The following PCNT variants were observed in gnomAD, a reference collection of about 807,000 sequenced individuals.
The protein encoded by PCNT is kendrin.
Under a neutral mutation model 380.4 loss-of-function variants are expected in PCNT, and 319 were observed. That is an observed-to-expected ratio of 0.84 (90% CI 0.77 to 0.92). The LOEUF (loss-of-function observed/expected upper bound fraction) is 0.92, where lower values mean the gene tolerates loss of function less well. Ranked by LOEUF, PCNT falls within the 40% of genes least tolerant of loss-of-function variation. PCNT has a pLI of 0.00. For synonymous variants in PCNT, 1,845 were observed against 1,735.2 expected (o/e 1.06, Z -1.57); for missense variants, 4,400 against 4,255.3 (o/e 1.03, Z -0.95).
chr21:46,402,161 T>C (rs1488465224), intron 26 of PCNT, among the ~76,000 whole-genome samples, 170 bp from the exon 27 acceptor site: 4 of 152,178 alleles, frequency 2.6e-5, no homozygotes, highest in Non-Finnish European at 5.9e-5. Context: ...CTGACCACTG[T>C]GTATTCTTTG....
intron 25 of PCNT, among the ~76,000 whole-genome samples, chr21:46,400,446 TTTAGAA>T (rs1250254926): frequency 1.3e-5 from 2 of 151,910 alleles, no homozygotes; most frequent in African/African-American, 2.4e-5. Context: ...GAAATTTGAT[TTTAGAA>T]TTAGTAGTTT....
Position 46,401,627 on chromosome 21 carries a change from G to T in PCNT, c.4868G>T (p.Gly1623Val), listed in dbSNP as rs145095275. The T allele has an allele frequency of 2.5e-6, 4 of 1,614,012 alleles. No individual in the cohort carries two copies. The highest frequency in any genetic ancestry group is 3.4e-6 in the Non-Finnish European group (4 of 1,179,892). Reference sequence around the variant, plus strand: ...ACGTTGCAGTCTACACTAGATGCAGGCAGATGTCCCGAGCCTCCTTCGGGC... The same window carrying T: ...ACGTTGCAGTCTACACTAGATGCAGTCAGATGTCCCGAGCCTCCTTCGGGC... Reference protein sequence around the residue: ...ASTLQSTLDAGRCPEPPSGSP... With the variant: ...ASTLQSTLDAVRCPEPPSGSP... The change falls in exon 26 of 47, where the codon GGC becomes GTC. Residue 1623 changes from glycine to valine, a missense_variant. Transcript: ENST00000359568.
chr21:46,429,459 G>C (rs1183017742), intron 35 of PCNT, among the ~76,000 whole-genome samples: 2 of 150,274 alleles, frequency 1.3e-5, no homozygotes, highest in Non-Finnish European at 3.0e-5. Flanking sequence ...AGGGGGGCCG[G>C]CACTGTGCGA....
intron 2 of PCNT, among the ~76,000 whole-genome samples, chr21:46,331,495 C>G (rs146128637): frequency 3.3e-4 from 50 of 152,320 alleles, no homozygotes; most frequent in African/African-American, 1.2e-3. Context: ...CAACAGCTGT[C>G]TCAGTTCTGA....
At chr21:46,430,420 G>T in intron 36 of PCNT, 87 bp from the exon 37 acceptor site, 1 of 1,509,478 alleles carries the variant, frequency 6.6e-7, no homozygotes, top group Non-Finnish European at 9.0e-7. Flanking sequence ...GACCTGGCAG[G>T]GCTCTGCCTC....
Position 46,324,204 on chromosome 21 carries a change from G to A in PCNT, c.-25G>A. Reference sequence around the variant, plus strand: ...TCTGTGTCAGCCCCGTCACCGCCGGGCGGCCCGCGCGGAGTCTGAGGGAGA... The same window carrying A: ...TCTGTGTCAGCCCCGTCACCGCCGGACGGCCCGCGCGGAGTCTGAGGGAGA... On this transcript the variant is annotated 5_prime_UTR_variant, in exon 1 of 47. Coordinates refer to ENST00000359568, the MANE Select transcript of PCNT (RefSeq NM_006031.6). The A allele has an allele frequency of 6.2e-7, 1 of 1,604,546 alleles. No individual in the cohort carries two copies. The highest frequency in any genetic ancestry group is 1.1e-5 in the South Asian group (1 of 89,602).
rs1043610730 is a variant in PCNT, at chr21:46,355,438, T to C, written c.1762-14T>C. On this transcript the variant is annotated splice_polypyrimidine_tract_variant and intron_variant, in intron 11 of 46. Coordinates refer to ENST00000359568, the MANE Select transcript of PCNT (RefSeq NM_006031.6). Reference sequence around the variant, plus strand: ...GGCTCACTAACGTGCTTGTCCCACGTGGTTTCTCTGTAGGAGAGCCTGCCA... The same window carrying C: ...GGCTCACTAACGTGCTTGTCCCACGCGGTTTCTCTGTAGGAGAGCCTGCCA... 4 of 1,613,128 alleles carry C rather than the reference T, an allele frequency of 2.5e-6. No homozygotes were observed. Among genetic ancestry groups the C allele is most frequent in the African/African-American group, 1.3e-5 (1 of 74,926 alleles).
rs1370462386 is a variant in PCNT, at chr21:46,388,747, C to T, written c.3470C>T (p.Ala1157Val). The change falls in exon 18 of 47, where the codon GCC (alanine) becomes GTC (valine). Residue 1157 changes from alanine to valine, a missense_variant. Physicochemically the swap from Ala to Val is moderately conservative, Grantham distance 64. Coordinates refer to ENST00000359568, the MANE Select transcript of PCNT (RefSeq NM_006031.6). This position sits in a 1 kb window ranked among gnomAD's most constrained non-coding sequence, Gnocchi z 4.2. ...DVNLSHSERG[A>V]LQDALRRLLG... ...ATGGGTGTCTCCTGTCTCAGAGGGG[C>T]CCTCCAGGACGCCCTGCGCAGGCTG... The T allele has an allele frequency of 1.2e-6, 2 of 1,613,804 alleles. No homozygotes were observed. The highest frequency in any genetic ancestry group is 1.7e-6 in the Non-Finnish European group (2 of 1,179,980).
chr21:46,350,005 T>C (rs192766134), intron 8 of PCNT, among the ~76,000 whole-genome samples, 185 bp downstream of exon 8: 41 of 152,146 alleles, frequency 2.7e-4, no homozygotes, highest in Admixed American at 2.3e-3. Context: ...GGGCAGATCA[T>C]GAGCTCAGGA....
rs368515475 is a variant in PCNT at position 46,349,226 on chromosome 21, T to C, written c.1207+40T>C. The C allele has an allele frequency of 5.9e-5, 89 of 1,498,720 alleles. No homozygotes were observed. In the African/African-American group the frequency reaches 8.9e-4, roughly 15 times the overall value. 92.8% of individuals were successfully genotyped at this position (1,498,720 alleles called of 1,614,324 possible). On this transcript the variant is annotated intron_variant, in intron 7 of 46. Transcript: ENST00000359568. The stretch of plus-strand genomic sequence containing the variant: ...TGAGCAAGTTTGGAGTGGGACTGAA[T>C]TTTCCTAGGTAGTACTGGAAGGAAT...
rs920426789 is a variant in PCNT at position 46,430,355 on chromosome 21, G to A, written c.7913+123G>A. ...AGTTGGGCAGCCCCAGGGGCACCGC[G>A]CCCTGCTGTCCCTGGGTTGATAATC... On this transcript the variant is annotated intron_variant, in intron 36 of 46. Coordinates refer to ENST00000359568, the MANE Select transcript of PCNT (RefSeq NM_006031.6). The A allele has an allele frequency of 1.9e-5, 26 of 1,376,044 alleles. No individual in the cohort carries two copies. In the African/African-American group the frequency reaches 2.4e-4, roughly 13 times the overall value. 85.2% of individuals were successfully genotyped at this position (1,376,044 alleles called of 1,614,324 possible).
At chr21:46,335,913 A>C (rs923933346) in intron 3 of PCNT, among the ~76,000 whole-genome samples, 3 of 151,308 alleles carry the variant, frequency 2.0e-5, no homozygotes, top group Admixed American at 1.3e-4. Context: ...GCTGACCTCA[A>C]GTGATCTGCT....
rs571465097 is a variant in PCNT, at chr21:46,332,771, C to G, written c.268-1626C>G. 3.0e-4 allele frequency among the ~76,000 whole-genome samples: 45 copies of G among 152,314 alleles called. 2 individuals are homozygous for G. In the South Asian group the frequency reaches 8.3e-3, roughly 28 times the overall value. On this transcript the variant is annotated intron_variant, in intron 2 of 46. Transcript: ENST00000359568. ...AAGTCGACACTGTCATGTTTCTTTG[C>G]TATTTTGGGAAGAAATTGAAATGTT...
chr21:46,372,653 G>A (rs1048162578), intron 15 of PCNT, among the ~76,000 whole-genome samples: 2 of 152,210 alleles, frequency 1.3e-5, no homozygotes, highest in East Asian at 3.8e-4. Flanking sequence ...CTCATTTCTA[G>A]CCATAAAGTA....
At chr21:46,417,718 C>G (rs111448416) in intron 30 of PCNT, among the ~76,000 whole-genome samples, 2 of 151,734 alleles carry the variant, frequency 1.3e-5, no homozygotes, top group African/African-American at 4.8e-5. Flanking sequence ...CTGGGTAACA[C>G]GGTGAGACCC....
chr21:46,350,151 C>T (rs1365693916), intron 8 of PCNT, among the ~76,000 whole-genome samples: 1 of 152,034 alleles, frequency 6.6e-6, no homozygotes. Context: ...TGCACTCCAT[C>T]CTGGGCAACA....
chr21:46,390,524 T>C (rs1044526063), intron 19 of PCNT, 146 bp from the exon 20 acceptor site: 340 of 810,630 alleles, frequency 4.2e-4, no homozygotes, highest in Non-Finnish European at 5.9e-4. Context: ...GGCTGAGATG[T>C]GCTCAGGTCC....
At chr21:46,334,319 TAGA>T in intron 2 of PCNT, 75 bp from the exon 3 acceptor site, 1 of 1,603,376 alleles carries the variant, frequency 6.2e-7, no homozygotes, top group Non-Finnish European at 8.5e-7. Flanking sequence ...GGCCTGCAGA[TAGA>T]GGAGCTGGGA....
chr21:46,412,690 C>G, intron 28 of PCNT, 147 bp from the exon 29 acceptor site: 1 of 873,884 alleles, frequency 1.1e-6, no homozygotes, highest in Non-Finnish European at 1.9e-6. Flanking sequence ...CTGCTGTGGA[C>G]CAAGGTGCTC....
Sources: gnomAD v4.1 joint callset for allele counts (sites outside exome capture counted in the v4.1 genomes callset) on GRCh38, gnomAD v4.1.1 for gene constraint, Gnocchi (gnomAD v3.1) non-coding constraint, MANE v1.5 for transcripts, NCBI Gene and HGNC (gene_info 2026-07-23, HGNC 2026-07-21) for gene names.